Variants in ACTR3C observed in about 807,000 individuals in gnomAD.
The protein encoded by ACTR3C is actin-related protein 3C.
In ACTR3C, 18 loss-of-function variants were observed where a neutral mutation model predicts 26.3. That is an observed-to-expected ratio of 0.68 (90% CI 0.47 to 1.01). The LOEUF is 1.01. Ranked by LOEUF, ACTR3C falls within the 50% of genes least tolerant of loss-of-function variation. The pLI, the probability that ACTR3C is intolerant of heterozygous loss-of-function variation, is 0.00. For synonymous variants in ACTR3C, 55 were observed against 94.5 expected, an observed-to-expected ratio of 0.58 and a Z score of 2.42; for missense variants, 184 against 250.7, an observed-to-expected ratio of 0.73 and a Z score of 1.80.
At chr7:150,277,766 C>T (rs1467051282) in intron 6 of ACTR3C, among the ~76,000 whole-genome samples, 1 of 152,162 alleles carries the variant, frequency 6.6e-6, no homozygotes, top group African/African-American at 2.4e-5. Context: ...CCATGAGCCA[C>T]CTACAGCCAC....
the ACTR3C span, among the ~76,000 whole-genome samples, chr7:149,927,430 T>TA: frequency 0.11 from 14,586 of 133,010 alleles, 812 homozygotes; most frequent in East Asian, 0.22. Flanking sequence ...AATGACTATT[T>TA]AAAAAAAAAA....
the ACTR3C span, among the ~76,000 whole-genome samples, chr7:150,098,264 G>C: frequency 1.3e-5 from 2 of 151,608 alleles, no homozygotes; most frequent in African/African-American, 4.9e-5. Context: ...TCCTTGAGGG[G>C]TGTAATGTTG....
At chr7:150,228,310 C>G in the ACTR3C span, among the ~76,000 whole-genome samples, 1 of 152,120 alleles carries the variant, frequency 6.6e-6, no homozygotes, top group Non-Finnish European at 1.5e-5. Flanking sequence ...TGTCTTATTT[C>G]TGGTACATAG....
the ACTR3C span, among the ~76,000 whole-genome samples, chr7:149,918,602 A>G: frequency 6.6e-6 from 1 of 152,212 alleles, no homozygotes; most frequent in African/African-American, 2.4e-5. Flanking sequence ...AGACAGGAGA[A>G]TTGCTTGAAC....
chr7:149,943,846 G>A, the ACTR3C span, among the ~76,000 whole-genome samples: 1 of 144,606 alleles, frequency 6.9e-6, no homozygotes, highest in African/African-American at 2.9e-5. Context: ...CTAACATCAG[G>A]GCCACAAAAG....
rs1005031446 is a variant in ACTR3C, at chr7:150,252,980, G to T, written c.565-3926C>A. 1.3e-4 allele frequency among the ~76,000 whole-genome samples: 20 copies of T among 151,324 alleles called. 3 individuals are homozygous for T. The highest frequency in any genetic ancestry group is 4.9e-4 in the African/African-American group (20 of 40,592). ...AACTCTGCAGATTCTGCAGCGGTAA[G>T]CCCTTCTTGACTCTTTTCTGCAGGT... On this transcript the variant is annotated intron_variant, in intron 6 of 7. Transcript: ENST00000683684.
the ACTR3C span, among the ~76,000 whole-genome samples, chr7:150,051,186 A>G: frequency 1.3e-5 from 2 of 151,632 alleles, no homozygotes; most frequent in African/African-American, 4.8e-5. Context: ...ATTTGTGTTA[A>G]GCACGGATAC....
intron 1 of ACTR3C, 166 bp downstream of exon 1, chr7:150,323,303 A>G (rs1797753291): frequency 3.9e-6 from 1 of 258,448 alleles, no homozygotes; most frequent in Non-Finnish European, 7.6e-6. Context: ...CGCATCCCGG[A>G]ATCCAGAGCG....
chr7:150,289,365 G>A, intron 4 of ACTR3C, 85 bp downstream of exon 4: 1 of 1,464,596 alleles, frequency 6.8e-7, no homozygotes, highest in Non-Finnish European at 9.1e-7. Flanking sequence ...TGGAAAGGAG[G>A]GGCAGGGATG....
At chr7:149,958,546 C>A in the ACTR3C span, among the ~76,000 whole-genome samples, 2 of 152,176 alleles carry the variant, frequency 1.3e-5, no homozygotes, top group African/African-American at 2.4e-5. Flanking sequence ...ATCTTCAATG[C>A]CATAATCAAG....
chr7:150,039,887 CCG>C, the ACTR3C span, among the ~76,000 whole-genome samples: 2 of 130,180 alleles, frequency 1.5e-5, no homozygotes, highest in Admixed American at 7.6e-5. Flanking sequence ...CTCTCAGTCC[CCG>C]TGTCGTGAGG....
the ACTR3C span, among the ~76,000 whole-genome samples, chr7:150,010,608 C>A: frequency 6.7e-6 from 1 of 150,308 alleles, no homozygotes; most frequent in Admixed American, 6.7e-5. Context: ...GCAGGAGAAT[C>A]GCTTGAACCT....
At chr7:150,048,781 G>A in the ACTR3C span, among the ~76,000 whole-genome samples, 15 of 152,128 alleles carry the variant, frequency 9.9e-5, no homozygotes, top group Non-Finnish European at 1.8e-4. Flanking sequence ...AGGGCGCGGG[G>A]TGGTCGGACG....
At chr7:150,032,497 C>G in the ACTR3C span, among the ~76,000 whole-genome samples, 1 of 151,942 alleles carries the variant, frequency 6.6e-6, no homozygotes, top group Non-Finnish European at 1.5e-5. Context: ...AACCAGAAAC[C>G]CTGAATGAGA....
At chr7:150,140,856 G>T in the ACTR3C span, among the ~76,000 whole-genome samples, 12 of 152,382 alleles carry the variant, frequency 7.9e-5, no homozygotes, top group African/African-American at 2.6e-4. Context: ...GCGCTAAACA[G>T]TTAGCCAAGT....
At chr7:150,035,618 G>A in the ACTR3C span, among the ~76,000 whole-genome samples, 9 of 131,908 alleles carry the variant, frequency 6.8e-5, 1 homozygote, top group East Asian at 2.2e-4. Flanking sequence ...ACCTGCCGTC[G>A]GAAGATTTGA....
the ACTR3C span, among the ~76,000 whole-genome samples, chr7:150,140,990 A>G: frequency 2.3e-4 from 35 of 152,384 alleles, no homozygotes; most frequent in African/African-American, 8.2e-4. Flanking sequence ...TCTGGATAGA[A>G]GGTGAAACCA....
the ACTR3C span, among the ~76,000 whole-genome samples, chr7:149,897,015 C>T: frequency 3.4e-5 from 5 of 147,706 alleles, no homozygotes; most frequent in African/African-American, 7.6e-5. Flanking sequence ...GAGCTGAGAT[C>T]GCGCCACTGC....
chr7:150,049,013 C>T, the ACTR3C span, among the ~76,000 whole-genome samples: 1 of 152,046 alleles, frequency 6.6e-6, no homozygotes, highest in Non-Finnish European at 1.5e-5. Context: ...GGCTCTCCGG[C>T]TGCCCGCAAC....
Sources: gnomAD v4.1 joint callset for allele counts (sites outside exome capture counted in the v4.1 genomes callset) on GRCh38, gnomAD v4.1.1 for gene constraint, MANE v1.5 for transcripts, NCBI Gene and HGNC (gene_info 2026-07-23, HGNC 2026-07-21) for gene names.